TAFA1: variants seen among roughly 807,000 people sequenced by gnomAD.
TAFA1 encodes the protein TAFA chemokine like family member 1.
A neutral mutation model predicts 18.5 loss-of-function variants in TAFA1; 4 were observed. The observed-to-expected ratio is 0.22, with a 90% CI of 0.11 to 0.49. The LOEUF (loss-of-function observed/expected upper bound fraction) is 0.49. Ranked by LOEUF, TAFA1 falls within the 20% of genes least tolerant of loss-of-function variation. TAFA1 has a pLI of 0.98. For synonymous variants in TAFA1, 56 were observed against 55.2 expected (o/e 1.01, Z -0.06); for missense variants, 147 against 169.0 (o/e 0.87, Z 0.72).
intron 2 of TAFA1, among the ~76,000 whole-genome samples, chr3:68,212,675 AT>A (rs1412680412): frequency 6.6e-6 from 1 of 152,058 alleles, no homozygotes; most frequent in Non-Finnish European, 1.5e-5. Context: ...TTTACCTGAA[AT>A]TCCTTTTCTT....
intron 2 of TAFA1, among the ~76,000 whole-genome samples, chr3:68,243,993 G>GTGAA (rs2107141597): frequency 6.6e-6 from 1 of 152,294 alleles, no homozygotes; most frequent in East Asian, 1.9e-4. Context: ...TATATGTGTA[G>GTGAA]TGAAGTCTCA....
chr3:68,332,104 C>A (rs1042233464), intron 2 of TAFA1, among the ~76,000 whole-genome samples: 3 of 151,596 alleles, frequency 2.0e-5, no homozygotes, highest in African/African-American at 7.3e-5. Context: ...ACCTCGTGAT[C>A]CGCCCGCCTC....
At chr3:68,475,833 C>T (rs1384352762) in intron 3 of TAFA1, among the ~76,000 whole-genome samples, 1 of 152,106 alleles carries the variant, frequency 6.6e-6, no homozygotes, top group Non-Finnish European at 1.5e-5. Flanking sequence ...TGTTTCCTGA[C>T]TTTTTAATGA....
At chr3:68,442,190 G>A (rs568066196) in intron 3 of TAFA1, among the ~76,000 whole-genome samples, 113 of 152,186 alleles carry the variant, frequency 7.4e-4, no homozygotes, top group African/African-American at 2.5e-3. Flanking sequence ...CCCTGAAACT[G>A]AGTAATTATT....
intron 2 of TAFA1, among the ~76,000 whole-genome samples, chr3:68,119,903 T>C (rs551418804): frequency 1.3e-5 from 2 of 152,326 alleles, no homozygotes; most frequent in South Asian, 2.1e-4. Context: ...AAGTAAATTT[T>C]AGGTATACTC....
chr3:68,346,852 T>C (rs1055589914), intron 2 of TAFA1, among the ~76,000 whole-genome samples: 2 of 152,184 alleles, frequency 1.3e-5, no homozygotes, highest in Admixed American at 6.6e-5. Context: ...AATGTTTTAG[T>C]ATGCTGGGGT....
chr3:68,020,668 A>G (rs967527594), intron 2 of TAFA1, among the ~76,000 whole-genome samples: 1 of 152,156 alleles, frequency 6.6e-6, no homozygotes, highest in Non-Finnish European at 1.5e-5. Flanking sequence ...TACAACTTGG[A>G]CTTATTTACT....
intron 3 of TAFA1, among the ~76,000 whole-genome samples, chr3:68,432,829 T>C (rs2071202796): frequency 6.6e-6 from 1 of 151,978 alleles, no homozygotes; most frequent in Non-Finnish European, 1.5e-5. Flanking sequence ...ACTAGGAGTG[T>C]GCATTTCACT....
intron 2 of TAFA1, among the ~76,000 whole-genome samples, chr3:68,307,738 T>C (rs2068445821): frequency 6.6e-6 from 1 of 152,182 alleles, no homozygotes; most frequent in Non-Finnish European, 1.5e-5. Context: ...AGCATATTAG[T>C]TTCATCTGGA....
chr3:68,043,024 A>G (rs1305905610), intron 2 of TAFA1, among the ~76,000 whole-genome samples: 3 of 152,118 alleles, frequency 2.0e-5, no homozygotes, highest in Non-Finnish European at 2.9e-5. Context: ...AGTTGGGATT[A>G]CAGGTGCCCG....
chr3:68,091,590 C>A (rs375835613), intron 2 of TAFA1, among the ~76,000 whole-genome samples: 2 of 151,976 alleles, frequency 1.3e-5, no homozygotes, highest in East Asian at 3.9e-4. Flanking sequence ...ATATAAGGAA[C>A]AGATCAAAAT....
rs17047761 is a variant in TAFA1, at chr3:68,486,280, A to G, written c.260-52476A>G. ...GATAAATTCTTATTAAACAGATTTC[A>G]GCAGCCTGAACAACTAGTTACTAAA... On this transcript the variant is annotated intron_variant, in intron 3 of 4. Transcript: ENST00000478136. Among the ~76,000 whole-genome samples the G allele has an allele frequency of 6.8e-3, 1,030 of 152,138 alleles. 13 individuals carry two copies. Among genetic ancestry groups the G allele is most frequent in the African/African-American group, 0.024 (981 of 41,480 alleles).
At chr3:68,039,353 GA>G (rs1705116519) in intron 2 of TAFA1, among the ~76,000 whole-genome samples, 1 of 152,042 alleles carries the variant, frequency 6.6e-6, no homozygotes, top group Non-Finnish European at 1.5e-5. Flanking sequence ...TATAAAAGTG[GA>G]AACCTTATGG....
chr3:68,020,971 A>C (rs1381037076), intron 2 of TAFA1, among the ~76,000 whole-genome samples: 3 of 151,950 alleles, frequency 2.0e-5, no homozygotes, highest in Admixed American at 6.6e-5. Context: ...GGATCACCTG[A>C]GGTCAGGAGT....
chr3:68,247,708 C>G (rs1217234627), intron 2 of TAFA1: 1 of 152,216 alleles, frequency 6.6e-6, no homozygotes, highest in African/African-American at 2.4e-5. Flanking sequence ...AAAGGAATAT[C>G]ATAAGTATAT....
At chr3:68,278,820 G>A (rs1388491) in intron 2 of TAFA1, among the ~76,000 whole-genome samples, 197 of 152,228 alleles carry the variant, frequency 1.3e-3, no homozygotes, top group Non-Finnish European at 2.3e-3. Context: ...TGGGAACTAA[G>A]ATTCCATTCT....
intron 2 of TAFA1, among the ~76,000 whole-genome samples, chr3:68,399,762 A>G (rs1296972719): frequency 1.3e-5 from 2 of 152,196 alleles, no homozygotes; most frequent in African/African-American, 4.8e-5. Flanking sequence ...TCAATGAGGT[A>G]CATAGTTGGA....
At chr3:68,517,709 G>A (rs1260234130) in intron 3 of TAFA1, among the ~76,000 whole-genome samples, 1 of 152,150 alleles carries the variant, frequency 6.6e-6, no homozygotes, top group African/African-American at 2.4e-5. Context: ...TGGCCCAGGA[G>A]GAGACAGTCA....
chr3:68,088,973 T>C (rs928362884), intron 2 of TAFA1, among the ~76,000 whole-genome samples: 3 of 152,110 alleles, frequency 2.0e-5, no homozygotes, highest in Non-Finnish European at 4.4e-5. Flanking sequence ...TCAATATAAC[T>C]CTACGGTTTT....
Sources: gnomAD v4.1 joint callset for allele counts (sites outside exome capture counted in the v4.1 genomes callset) on GRCh38, gnomAD v4.1.1 for gene constraint, MANE v1.5 for transcripts, NCBI Gene and HGNC (gene_info 2026-07-23, HGNC 2026-07-21) for gene names.